Variants in HOXB3 observed in about 807,000 individuals in gnomAD.
The protein encoded by HOXB3 is homeobox protein Hox-B3.
HOXB3 carries 17 observed loss-of-function variants against 29.2 expected under a neutral mutation model. The ratio of observed to expected loss-of-function variants is 0.58; its 90% CI spans 0.40 to 0.87. HOXB3 has a LOEUF of 0.87. Ranked by LOEUF, HOXB3 falls within the 40% of genes least tolerant of loss-of-function variation. The pLI is 0.00. For synonymous variants in HOXB3, 317 were observed against 285.9 expected (o/e 1.11, Z -1.10); for missense variants, 637 against 616.3 (o/e 1.03, Z -0.35).
chr17:48,564,786 G>C (rs1038314252), intron 2 of HOXB3, among the ~76,000 whole-genome samples: 2 of 152,232 alleles, frequency 1.3e-5, no homozygotes, highest in African/African-American at 2.4e-5. Flanking sequence ...TTCTGGGCAG[G>C]ACAGGAGTGG....
intron 2 of HOXB3, among the ~76,000 whole-genome samples, chr17:48,572,873 T>C (rs1411934126): frequency 6.6e-6 from 1 of 152,058 alleles, no homozygotes; most frequent in Non-Finnish European, 1.5e-5. Flanking sequence ...GCCAACACAA[T>C]GTCCAGTCTC....
At position 48,550,026 on chromosome 17, in the gene HOXB3, T is replaced by C. The variant is rs1598745312; in HGVS notation, c.*308A>G. ...CTTTTCTGCCTCGTCCTGTCTCGTC[T>C]TCCTCTACCCCACTCCCGGGCGTGG... On this transcript the variant is annotated 3_prime_UTR_variant, in exon 5 of 5. Coordinates refer to ENST00000498678, the MANE Select transcript of HOXB3 (RefSeq NM_001384749.1). 1 of 334,104 alleles carries C rather than the reference T, an allele frequency of 3.0e-6. No individual in the cohort carries two copies. Among genetic ancestry groups the C allele is most frequent in the East Asian group, 6.1e-5 (1 of 16,264 alleles). The allele number at this position is 334,104 out of a possible 1,614,324, so 20.7% of individuals were successfully genotyped here. A position where few individuals can be genotyped will look rare whatever the true frequency, so the allele number is the denominator to read the frequency against.
rs1465671052 is a variant in HOXB3 at position 48,549,231 on chromosome 17, A to C, written c.*1103T>G. 1 of 152,654 alleles carries C rather than the reference A, an allele frequency of 6.6e-6. No homozygotes were observed. The highest frequency in any genetic ancestry group is 1.5e-5 in the Non-Finnish European group (1 of 68,042). 9.5% of individuals were successfully genotyped at this position (152,654 alleles called of 1,614,324 possible). ...AAATACATAATGTAGGGGGATAAAT[A>C]ATACAAAAAAGAAAATATTTTAACA... is the stretch of plus-strand genomic sequence containing the variant. On this transcript the variant is annotated 3_prime_UTR_variant, in exon 5 of 5. Transcript: ENST00000498678.
intron 1 of HOXB3, chr17:48,578,677 G>A: frequency 3.4e-6 from 1 of 296,368 alleles, no homozygotes. Context: ...TGGAGGGCCT[G>A]TTGGGGCGCT....
chr17:48,555,700 C>T (rs536713792), intron 2 of HOXB3, 82 bp from the exon 3 acceptor site: 4 of 687,070 alleles, frequency 5.8e-6, no homozygotes, highest in Non-Finnish European at 1.1e-5. Context: ...AAAGCCACCC[C>T]GGCTGGGGAG....
chr17:48,557,781 A>G (rs1374394503), intron 2 of HOXB3, among the ~76,000 whole-genome samples: 1 of 152,156 alleles, frequency 6.6e-6, no homozygotes, highest in Admixed American at 6.5e-5. Flanking sequence ...TGTGTTTATT[A>G]GTAGTATCAA....
At position 48,549,969 on chromosome 17, in the gene HOXB3, G is replaced by A; in HGVS notation, c.*365C>T. 1 of 206,798 alleles carries A rather than the reference G, an allele frequency of 4.8e-6. No homozygotes were observed. Among genetic ancestry groups the A allele is most frequent in the Non-Finnish European group, 9.8e-6 (1 of 101,878 alleles). The allele number at this position is 206,798 out of a possible 1,614,324, so 12.8% of individuals were successfully genotyped here. ...AAGGTAAGTCCGTTGGTTGGTGATG[G>A]CCTAGCCATCTTGTCTGGTTTTTAA... is the stretch of plus-strand genomic sequence containing the variant. On this transcript the variant is annotated 3_prime_UTR_variant, in exon 5 of 5. Coordinates refer to ENST00000498678, the MANE Select transcript of HOXB3 (RefSeq NM_001384749.1).
intron 2 of HOXB3, chr17:48,560,081 C>G (rs1045576844): frequency 6.6e-6 from 1 of 152,472 alleles, no homozygotes; most frequent in African/African-American, 2.4e-5. Flanking sequence ...AACCCCACCC[C>G]CAGCAAGTGT....
intron 2 of HOXB3, among the ~76,000 whole-genome samples, chr17:48,566,038 A>G (rs188561913): frequency 6.6e-6 from 1 of 152,298 alleles, no homozygotes; most frequent in East Asian, 1.9e-4. Flanking sequence ...CTGCAATTAT[A>G]TAGAGAGGAT....
chr17:48,586,679 A>C lies in HOXB3; in HGVS notation c.-425+3446T>G, dbSNP rs1201774845. Among the ~76,000 whole-genome samples the C allele has an allele frequency of 2.0e-5, 3 of 152,270 alleles. No homozygotes were observed. The East Asian group carries it at 5.8e-4, about 29-fold the overall frequency. On this transcript the variant is annotated intron_variant, in intron 1 of 4. Transcript: ENST00000498678. ...TGGTGTGGGTTTTTTCCCCCAACTCATTTGCGCCTCCTTCCTTTTCATTTA... is the reference window on the plus strand; with the variant it reads ...TGGTGTGGGTTTTTTCCCCCAACTCCTTTGCGCCTCCTTCCTTTTCATTTA...
chr17:48,588,594 G>A (rs915444241), intron 1 of HOXB3, among the ~76,000 whole-genome samples: 3 of 152,224 alleles, frequency 2.0e-5, no homozygotes, highest in African/African-American at 7.2e-5. Flanking sequence ...TTGCCTTGTA[G>A]AGTGGAAGAC....
chr17:48,563,065 G>C (rs1204403663), intron 2 of HOXB3, among the ~76,000 whole-genome samples: 2 of 152,176 alleles, frequency 1.3e-5, no homozygotes, highest in African/African-American at 4.8e-5. Context: ...ACCACACCAA[G>C]CCTTTTCTCC....
chr17:48,576,590 T>C, intron 1 of HOXB3: 1 of 741,580 alleles, frequency 1.3e-6, no homozygotes, highest in Non-Finnish European at 2.1e-6. Context: ...TATTCGTATA[T>C]AAAGTGTGGG....
chr17:48,554,517 G>C lies in HOXB3; in HGVS notation c.-159+1014C>G. 1.5e-6 allele frequency: 1 copy of C among 649,914 alleles called. No homozygotes were observed. The highest frequency in any genetic ancestry group is 2.7e-5 in the East Asian group (1 of 36,724). The allele number at this position is 649,914 out of a possible 1,614,324, so 40.3% of individuals were successfully genotyped here. On this transcript the variant is annotated intron_variant, in intron 3 of 4. Transcript: ENST00000498678. The surrounding 1 kb of genome is among the most constrained non-coding windows in gnomAD (Gnocchi z 4.1). ...GGAAAGAATGGAGACTCCGCCGGTG[G>C]TGCAGACAGGGCTGGGAAGGTTTGT...
At chr17:48,576,652 C>CCCCCCCCCCCA in intron 1 of HOXB3, 2 of 576,250 alleles carry the variant, frequency 3.5e-6, no homozygotes, top group East Asian at 5.0e-5. Context: ...CCCTCCTGTC[C>CCCCCCCCCCCA]CCCCACCCCA....
intron 2 of HOXB3, among the ~76,000 whole-genome samples, chr17:48,560,790 T>C (rs563139543): frequency 3.3e-4 from 50 of 152,308 alleles, no homozygotes; most frequent in South Asian, 8.3e-4. Context: ...GCACCCTGTG[T>C]GTGCTTCCTC....
chr17:48,556,550 TAAAAAAAAA>T (rs79367380), intron 2 of HOXB3: 1 of 127,368 alleles, frequency 7.9e-6, no homozygotes, highest in Non-Finnish European at 1.6e-5. Context: ...GACCAGAACT[TAAAAAAAAA>T]AAAAAAAAAA....
At chr17:48,575,090 G>A (rs1054070692) in intron 1 of HOXB3, 1 of 152,182 alleles carries the variant, frequency 6.6e-6, no homozygotes, top group Non-Finnish European at 1.5e-5. Flanking sequence ...ATCCTCTCTC[G>A]GAACTTTAAT....
intron 1 of HOXB3, among the ~76,000 whole-genome samples, chr17:48,589,858 A>T (rs2070116458): frequency 6.6e-6 from 1 of 152,020 alleles, no homozygotes; most frequent in Non-Finnish European, 1.5e-5. Context: ...TTCCGCTGGC[A>T]CTGAGGGAGC....
Sources: gnomAD v4.1 joint callset for allele counts (sites outside exome capture counted in the v4.1 genomes callset) on GRCh38, gnomAD v4.1.1 for gene constraint, Gnocchi (gnomAD v3.1) non-coding constraint, MANE v1.5 for transcripts, NCBI Gene and HGNC (gene_info 2026-07-23, HGNC 2026-07-21) for gene names.